Variants in NALF1 observed in about 807,000 individuals in gnomAD.
NALF1 encodes NALCN channel auxiliary factor 1, also known as family with sequence similarity 155 member A.
A neutral mutation model predicts 48.4 loss-of-function variants in NALF1; 3 were observed. The observed-to-expected ratio is 0.06, with a 90% CI of 0.03 to 0.16. The LOEUF (loss-of-function observed/expected upper bound fraction) is 0.16, where lower values mean the gene tolerates loss of function less well. NALF1 is among the 10% of genes least tolerant of loss of function. NALF1 has a pLI of 1.00. For synonymous variants in NALF1, 262 were observed against 245.7 expected (o/e 1.07, Z -0.62); for missense variants, 526 against 571.5 (o/e 0.92, Z 0.81).
intron 1 of NALF1, among the ~76,000 whole-genome samples, chr13:107,579,411 C>G (rs930385619): frequency 6.6e-6 from 1 of 152,178 alleles, no homozygotes; most frequent in Admixed American, 6.5e-5. Flanking sequence ...TTTTCATAAT[C>G]AATATCCATT....
chr13:107,841,991 C>CT (rs1194041346), intron 1 of NALF1, among the ~76,000 whole-genome samples: 1 of 151,814 alleles, frequency 6.6e-6, no homozygotes, highest in Non-Finnish European at 1.5e-5. Flanking sequence ...CTCATATCTG[C>CT]TTATATTTAA....
intron 1 of NALF1, among the ~76,000 whole-genome samples, chr13:107,357,715 A>T (rs1459810823): frequency 6.6e-6 from 1 of 152,242 alleles, no homozygotes; most frequent in East Asian, 1.9e-4. Flanking sequence ...TCATAAAAAA[A>T]TGTTGCTACT....
chr13:107,472,353 C>A (rs1320098062), intron 1 of NALF1, among the ~76,000 whole-genome samples: 1 of 152,030 alleles, frequency 6.6e-6, no homozygotes, highest in Non-Finnish European at 1.5e-5. Context: ...AACAAATAAA[C>A]TTCAGATAAC....
At chr13:107,387,541 G>C (rs1267797067) in intron 1 of NALF1, among the ~76,000 whole-genome samples, 3 of 152,040 alleles carry the variant, frequency 2.0e-5, no homozygotes, top group Admixed American at 2.0e-4. Flanking sequence ...TTCTGGGATG[G>C]TACAGAGTAT....
At chr13:107,370,432 A>C (rs1468232041) in intron 1 of NALF1, among the ~76,000 whole-genome samples, 1 of 152,176 alleles carries the variant, frequency 6.6e-6, no homozygotes, top group East Asian at 1.9e-4. Context: ...AAAACTTACA[A>C]AGCCTAAATC....
At chr13:107,794,632 C>A (rs1878358264) in intron 1 of NALF1, among the ~76,000 whole-genome samples, 2 of 148,598 alleles carry the variant, frequency 1.3e-5, no homozygotes. Context: ...TCTTAAAGTC[C>A]ACATAATTGA....
intron 1 of NALF1, among the ~76,000 whole-genome samples, chr13:107,442,240 C>A (rs1224491782): frequency 6.6e-6 from 1 of 152,064 alleles, no homozygotes; most frequent in South Asian, 2.1e-4. Context: ...GCCCAGAGAT[C>A]CTAGCAAGAT....
At chr13:107,596,692 G>T (rs9583181) in intron 1 of NALF1, among the ~76,000 whole-genome samples, 51,116 of 151,872 alleles carry the variant, frequency 0.34, 9,192 homozygotes, top group African/African-American at 0.45. Flanking sequence ...GGGACTAGGG[G>T]GAGGATAGCA....
chr13:107,345,228 C>G (rs375322292), intron 1 of NALF1, among the ~76,000 whole-genome samples: 1 of 151,982 alleles, frequency 6.6e-6, no homozygotes, highest in Non-Finnish European at 1.5e-5. Flanking sequence ...AATGTTTATA[C>G]GACTCAAAGC....
At chr13:107,784,011 C>T (rs960160032) in intron 1 of NALF1, among the ~76,000 whole-genome samples, 2 of 152,126 alleles carry the variant, frequency 1.3e-5, no homozygotes, top group Non-Finnish European at 1.5e-5. Flanking sequence ...TCCACACAAC[C>T]GCTCCCCTCA....
chr13:107,517,677 C>T (rs929877992), intron 1 of NALF1, among the ~76,000 whole-genome samples: 7 of 151,576 alleles, frequency 4.6e-5, no homozygotes, highest in African/African-American at 1.7e-4. Flanking sequence ...CACTTAAGGC[C>T]AGGCGCAGTG....
At chr13:107,263,447 T>A (rs927141716) in intron 1 of NALF1, among the ~76,000 whole-genome samples, 2 of 152,194 alleles carry the variant, frequency 1.3e-5, no homozygotes, top group Non-Finnish European at 2.9e-5. Flanking sequence ...TGATACGGTT[T>A]GGCTGTGGCC....
In NALF1 at chr13:107,308,874, C is replaced by T. The variant is rs537927979; in HGVS notation, c.916-98119G>A. Reference sequence around the variant, plus strand: ...ATAGGTTGTTTTTCTCAAGACATTCCTTTTTCCTGCCTTAGCAGCCTCTTC... The same window carrying T: ...ATAGGTTGTTTTTCTCAAGACATTCTTTTTTCCTGCCTTAGCAGCCTCTTC... On this transcript the variant is annotated intron_variant, in intron 1 of 2. Transcript: ENST00000375915. 3.3e-5 allele frequency among the ~76,000 whole-genome samples: 5 copies of T among 152,314 alleles called. No homozygotes were observed. The South Asian group carries it at 1.0e-3, about 32-fold the overall frequency.
intron 1 of NALF1, among the ~76,000 whole-genome samples, chr13:107,568,886 TTTTATC>T (rs762668739): frequency 5.3e-5 from 8 of 152,180 alleles, no homozygotes; most frequent in Non-Finnish European, 8.8e-5. Context: ...CAGTCTGTGA[TTTTATC>T]TTTATAACAG....
At chr13:107,424,175 T>C (rs932602805) in intron 1 of NALF1, among the ~76,000 whole-genome samples, 15 of 152,334 alleles carry the variant, frequency 9.8e-5, no homozygotes, top group African/African-American at 3.6e-4. Flanking sequence ...TCTGCCTCTG[T>C]TGCCCAGGCT....
chr13:107,774,584 T>C (rs1344787955), intron 1 of NALF1, among the ~76,000 whole-genome samples: 1 of 152,240 alleles, frequency 6.6e-6, no homozygotes, highest in South Asian at 2.1e-4. Context: ...AACACCAGCA[T>C]ATAACTTTGG....
intron 1 of NALF1, among the ~76,000 whole-genome samples, chr13:107,548,581 C>T (rs1184396898): frequency 6.6e-6 from 1 of 152,002 alleles, no homozygotes; most frequent in Non-Finnish European, 1.5e-5. Context: ...ACAGTCCCAC[C>T]CACAATGTAT....
At chr13:107,812,416 C>A (rs551704856) in intron 1 of NALF1, among the ~76,000 whole-genome samples, 1 of 152,102 alleles carries the variant, frequency 6.6e-6, no homozygotes, top group South Asian at 2.1e-4. Context: ...GAAATGGGTT[C>A]TTTTGATTTA....
At chr13:107,706,921 T>TG (rs1184209106) in intron 1 of NALF1, among the ~76,000 whole-genome samples, 1 of 134,954 alleles carries the variant, frequency 7.4e-6, no homozygotes, top group Non-Finnish European at 1.6e-5. Flanking sequence ...GGGCATTCTT[T>TG]TTTTTTTTTT....
Sources: gnomAD v4.1 joint callset for allele counts (sites outside exome capture counted in the v4.1 genomes callset) on GRCh38, gnomAD v4.1.1 for gene constraint, MANE v1.5 for transcripts, NCBI Gene and HGNC (gene_info 2026-07-23, HGNC 2026-07-21) for gene names.